TINAGL1: variants seen among roughly 807,000 people sequenced by gnomAD.
TINAGL1 encodes tubulointerstitial nephritis antigen like 1.
Under a neutral mutation model 62.0 loss-of-function variants are expected in TINAGL1, and 34 were observed. That is an observed-to-expected ratio of 0.55 (90% CI 0.42 to 0.73). The LOEUF (loss-of-function observed/expected upper bound fraction) is 0.73, where lower values mean the gene tolerates loss of function less well. Among genes scored for constraint, TINAGL1 ranks in the 30% least tolerant of loss-of-function variants. The pLI is 0.00. For missense variants in TINAGL1, 516 were observed against 653.2 expected (o/e 0.79, Z 2.29); for synonymous variants, 221 against 249.7 (o/e 0.88, Z 1.08).
Position 31,587,002 on chromosome 1 carries a change from C to T in TINAGL1, c.*23C>T, listed in dbSNP as rs369277320. 4.8e-6 allele frequency: 7 copies of T among 1,448,626 alleles called. No homozygotes were observed. Among genetic ancestry groups the T allele is most frequent in the South Asian group, 1.5e-5 (1 of 68,618 alleles). 89.7% of individuals were successfully genotyped at this position (1,448,626 alleles called of 1,614,324 possible). On this transcript the variant is annotated 3_prime_UTR_variant, in exon 12 of 12. Transcript: ENST00000271064. ...TGAGGCTGCGGGCACCACGCGGGGT[C>T]CGGCCTGGGATCCAGGCTAAGGGCC...
Position 31,577,602 on chromosome 1 carries a change from T to C in TINAGL1, c.310+144T>C. 1.1e-6 allele frequency: 1 copy of C among 936,278 alleles called. No homozygotes were observed. The highest frequency in any genetic ancestry group is 1.6e-6 in the Non-Finnish European group (1 of 641,358). The allele number at this position is 936,278 out of a possible 1,614,324, so 58.0% of individuals were successfully genotyped here. A position where few individuals can be genotyped will look rare whatever the true frequency, so the allele number is the denominator to read the frequency against. ...ACTCTTCCCTGCCCCTCTGGGAACT[T>C]TACTCTCCAGCAAGACTGAAGAAGC... On this transcript the variant is annotated intron_variant, in intron 2 of 11. Transcript: ENST00000271064. This position sits in a 1 kb window ranked among gnomAD's most constrained non-coding sequence, Gnocchi z 5.4.
chr1:31,583,202 A>G lies in TINAGL1; in HGVS notation c.428A>G (p.Asp143Gly). 1 of 1,614,132 alleles carries G rather than the reference A, an allele frequency of 6.2e-7. No individual in the cohort carries two copies. Among genetic ancestry groups the G allele is most frequent in the Non-Finnish European group, 8.5e-7 (1 of 1,180,030 alleles). ...TGTGACCAAGAACCATGCCTGGTGG[A>G]TCCAGACATGATCAAAGCCATCAAC... ...WQCDQEPCLV[D>G]PDMIKAINQG... is the part of the protein sequence containing the mutation. Residue 143 changes from aspartate (D) to glycine (G), a missense_variant, in exon 4 of 12, where the codon GAT becomes GGT. Transcript: ENST00000271064. The surrounding 1 kb of genome is among the most constrained non-coding windows in gnomAD (Gnocchi z 4.4).
rs745914811 is a variant in TINAGL1 at position 31,585,255 on chromosome 1, G to A, written c.962G>A (p.Arg321His). The A allele has an allele frequency of 2.5e-5, 40 of 1,613,428 alleles. 1 individual carries two copies. The highest frequency in any genetic ancestry group is 3.3e-5 in the South Asian group (3 of 90,916). Reference protein sequence around the residue: ...MHSRAMGRGKRQATAHCPNSY... With the variant: ...MHSRAMGRGKHQATAHCPNSY... ...AGCCGAGCCATGGGTCGGGGCAAGC[G>A]CCAGGCCACTGCCCACTGCCCCAAC... The change falls in exon 8 of 12, where the codon CGC (arginine) becomes CAC (histidine). Residue 321 changes from arginine (R) to histidine (H), a missense_variant. Arg to His is a conservative substitution (Grantham distance 29, BLOSUM62 0). Transcript: ENST00000271064. This position sits in a 1 kb window ranked among gnomAD's most constrained non-coding sequence, Gnocchi z 4.3.
intron 3 of TINAGL1, chr1:31,579,614 T>C: frequency 4.4e-6 from 1 of 227,048 alleles, no homozygotes; most frequent in South Asian, 7.2e-5. Flanking sequence ...GAAGGAAAGC[T>C]CTGACTGCAG....
At chr1:31,580,893 G>A (rs2148590351) in intron 3 of TINAGL1, 2 of 642,368 alleles carry the variant, frequency 3.1e-6, no homozygotes, top group South Asian at 1.4e-4. Context: ...GTAAGGTGAA[G>A]GGCATGGGAA....
At position 31,579,647 on chromosome 1, in the gene TINAGL1, A is replaced by T. The variant is rs114051057; in HGVS notation, c.374+380A>T. ...CAGCATCCGCTGCCCTGAGCGGATG[A>T]GGGTCAGGGATGGCTGAGCGGGCGG... On this transcript the variant is annotated intron_variant, in intron 3 of 11. Coordinates refer to ENST00000271064, the MANE Select transcript of TINAGL1 (RefSeq NM_022164.3). The T allele has an allele frequency of 3.4e-3, 618 of 180,648 alleles. 6 individuals are homozygous for T. The highest frequency in any genetic ancestry group is 0.014 in the African/African-American group (588 of 42,050). The allele number at this position is 180,648 out of a possible 1,614,324, so 11.2% of individuals were successfully genotyped here.
intron 3 of TINAGL1, chr1:31,580,164 T>G (rs867855654): frequency 1.3e-3 from 173 of 132,428 alleles, no homozygotes; most frequent in East Asian, 1.8e-3. Flanking sequence ...GTTAATGCGC[T>G]CTCTCTCTCT....
Position 31,583,680 on chromosome 1 carries a change from TACA to T in TINAGL1, c.582+107_582+109del, listed in dbSNP as rs1472255303. 1.0e-6 allele frequency: 1 copy of T among 965,980 alleles called. No homozygotes were observed. The highest frequency in any genetic ancestry group is 1.6e-6 in the Non-Finnish European group (1 of 638,326). 59.8% of individuals were successfully genotyped at this position (965,980 alleles called of 1,614,324 possible). On this transcript the variant is annotated intron_variant, in intron 5 of 11. Transcript: ENST00000271064. This position sits in a 1 kb window ranked among gnomAD's most constrained non-coding sequence, Gnocchi z 4.4. Reference sequence around the variant, plus strand: ...TCCAAGGGCCTGGACCATCCCCTACTACAAGGCTGTGTGTCCCTGGACAAGTTA... The same window carrying T: ...TCCAAGGGCCTGGACCATCCCCTACTAGGCTGTGTGTCCCTGGACAAGTTA...
At chr1:31,582,833 T>C (rs150543974) in intron 3 of TINAGL1, among the ~76,000 whole-genome samples, 2 of 149,800 alleles carry the variant, frequency 1.3e-5, no homozygotes, top group East Asian at 2.0e-4. Context: ...TGCCGTTTTC[T>C]GAGAACTGTA....
At chr1:31,581,238 G>A (rs955273216) in intron 3 of TINAGL1, among the ~76,000 whole-genome samples, 3 of 151,430 alleles carry the variant, frequency 2.0e-5, no homozygotes, top group South Asian at 2.1e-4. Context: ...GAGAGCACAC[G>A]GTCTGATTTA....
rs778425562 is a variant in TINAGL1, at chr1:31,585,004, C to T, written c.825C>T (p.Leu275=). The T allele has an allele frequency of 8.1e-6, 13 of 1,609,548 alleles. No homozygotes were observed. Among genetic ancestry groups the T allele is most frequent in the South Asian group, 4.4e-5 (4 of 90,840 alleles). Residue 275 remains leucine, a synonymous_variant, in exon 7 of 12, where the codon CTC becomes CTT. Coordinates refer to ENST00000271064, the MANE Select transcript of TINAGL1 (RefSeq NM_022164.3). The surrounding 1 kb of genome is among the most constrained non-coding windows in gnomAD (Gnocchi z 4.3). ...HQQQGCRGGR[L]DGAWWFLRRR... ...AGCAGGGCTGCCGCGGTGGGCGTCT[C>T]GATGGTGCCTGGTGGTTCCTGCGTC... is the stretch of plus-strand genomic sequence containing the variant.
Position 31,587,156 on chromosome 1 carries a change from C to G in TINAGL1, c.*177C>G. The G allele has an allele frequency of 9.9e-7, 1 of 1,012,790 alleles. No individual in the cohort carries two copies. Among genetic ancestry groups the G allele is most frequent in the Non-Finnish European group, 1.3e-6 (1 of 775,632 alleles). 62.7% of individuals were successfully genotyped at this position (1,012,790 alleles called of 1,614,324 possible). A position where few individuals can be genotyped will look rare whatever the true frequency, so the allele number is the denominator to read the frequency against. ...CAGCGCCCCGCCTGGGAGCCGCGGG[C>G]AGGCGAGACTGGCGGAGCCCCCAGA... On this transcript the variant is annotated 3_prime_UTR_variant, in exon 12 of 12. Transcript: ENST00000271064.
rs1257598333 is a variant in TINAGL1, at chr1:31,584,443, T to C, written c.583-235T>C. The C allele has an allele frequency of 3.6e-6, 2 of 562,262 alleles. No individual in the cohort carries two copies. Among genetic ancestry groups the C allele is most frequent in the Admixed American group, 3.1e-5 (1 of 31,938 alleles). 34.8% of individuals were successfully genotyped at this position (562,262 alleles called of 1,614,324 possible). On this transcript the variant is annotated intron_variant, in intron 5 of 11. Transcript: ENST00000271064. The surrounding 1 kb of genome is among the most constrained non-coding windows in gnomAD (Gnocchi z 4.0). ...AGCTGCCTCATCTGGGAAGCAGGAC[T>C]AGTCACCACCGCCACCCCGCCCCGC...
intron 3 of TINAGL1, chr1:31,580,394 T>C (rs1352710063): frequency 7.8e-7 from 1 of 1,289,290 alleles, no homozygotes; most frequent in Admixed American, 2.3e-5. Context: ...AACAGTCTAC[T>C]GCCCTCTCCT....
Position 31,584,695 on chromosome 1 carries a change from G to A in TINAGL1, c.600G>A (p.Gly200=). The part of the protein sequence containing the change: ...MHEIYTVLNP[G]EVLPTAFEAS... ...TCTTGCAGACAGTGCTGAACCCAGG[G>A]GAGGTGCTTCCCACAGCCTTCGAGG... Residue 200 remains glycine, a synonymous_variant, in exon 6 of 12, where the codon GGG becomes GGA. Transcript: ENST00000271064. The surrounding 1 kb of genome is among the most constrained non-coding windows in gnomAD (Gnocchi z 4.0). 6.2e-7 allele frequency: 1 copy of A among 1,613,838 alleles called. No individual in the cohort carries two copies. Among genetic ancestry groups the A allele is most frequent in the African/African-American group, 1.3e-5 (1 of 75,048 alleles).
At chr1:31,581,212 C>T (rs557020739) in intron 3 of TINAGL1, among the ~76,000 whole-genome samples, 1 of 151,608 alleles carries the variant, frequency 6.6e-6, no homozygotes, top group South Asian at 2.1e-4. Context: ...TGTTTGGAGT[C>T]ACAGGAAGCC....
In TINAGL1 at chr1:31,577,707, A is replaced by AC. The variant is rs1196752334; in HGVS notation, c.310+250dup. 2 of 538,300 alleles carry AC rather than the reference A, an allele frequency of 3.7e-6. No homozygotes were observed. The highest frequency in any genetic ancestry group is 6.5e-6 in the Non-Finnish European group (2 of 308,686). The allele number at this position is 538,300 out of a possible 1,614,324, so 33.3% of individuals were successfully genotyped here. ...TCCCAATCCTGTCTCTTTTCCAGAC[A>AC]CGGAAGGTGCTGGCCGCACCTGCTG... On this transcript the variant is annotated intron_variant, in intron 2 of 11. Coordinates refer to ENST00000271064, the MANE Select transcript of TINAGL1 (RefSeq NM_022164.3). The surrounding 1 kb of genome is among the most constrained non-coding windows in gnomAD (Gnocchi z 5.4).
At chr1:31,580,177 C>G (rs1476787891) in intron 3 of TINAGL1, 26 of 304,464 alleles carry the variant, frequency 8.5e-5, no homozygotes, top group Non-Finnish European at 1.2e-4. Flanking sequence ...CTCTCTCTCT[C>G]TCTCTCTCTC....
At position 31,584,654 on chromosome 1, in the gene TINAGL1, G is replaced by A. The variant is rs1438858127; in HGVS notation, c.583-24G>A. ...GCAGGCCAGGGCAGAGCAGGAGGCAGACAGGGCAACCTTTATCTTGCAGAC... is the reference window on the plus strand; with the variant it reads ...GCAGGCCAGGGCAGAGCAGGAGGCAAACAGGGCAACCTTTATCTTGCAGAC... On this transcript the variant is annotated intron_variant, in intron 5 of 11. Transcript: ENST00000271064. The surrounding 1 kb of genome is among the most constrained non-coding windows in gnomAD (Gnocchi z 4.0). The A allele has an allele frequency of 1.9e-6, 3 of 1,612,416 alleles. No individual in the cohort carries two copies. Among genetic ancestry groups the A allele is most frequent in the Non-Finnish European group, 2.5e-6 (3 of 1,180,000 alleles).
Sources: gnomAD v4.1 joint callset for allele counts (sites outside exome capture counted in the v4.1 genomes callset) on GRCh38, gnomAD v4.1.1 for gene constraint, Gnocchi (gnomAD v3.1) non-coding constraint, MANE v1.5 for transcripts, NCBI Gene and HGNC (gene_info 2026-07-23, HGNC 2026-07-21) for gene names.